The following VEGFC variants were observed in gnomAD, a reference collection of about 807,000 sequenced individuals.
VEGFC encodes the protein FLT4 ligand DHM.
Under a neutral mutation model 46.1 loss-of-function variants are expected in VEGFC, and 12 were observed. The ratio of observed to expected loss-of-function variants is 0.26; its 90% CI spans 0.17 to 0.42. VEGFC has a LOEUF of 0.42. VEGFC is among the 10% of genes least tolerant of loss of function. The pLI, the probability that VEGFC is intolerant of heterozygous loss-of-function variation, is 1.00. For synonymous variants in VEGFC, 232 were observed against 195.5 expected (o/e 1.19, Z -1.56); for missense variants, 488 against 529.4 (o/e 0.92, Z 0.77).
chr4:176,719,088 T>C (rs1260577079), intron 3 of VEGFC, among the ~76,000 whole-genome samples: 1 of 152,186 alleles, frequency 6.6e-6, no homozygotes, highest in Non-Finnish European at 1.5e-5. Flanking sequence ...ACAGTGCATA[T>C]GCTTTTACTT....
At chr4:176,699,219 T>C (rs1208517557) in intron 4 of VEGFC, among the ~76,000 whole-genome samples, 2 of 152,184 alleles carry the variant, frequency 1.3e-5, no homozygotes, top group Non-Finnish European at 2.9e-5. Flanking sequence ...CTATCTCTAG[T>C]CTTGTTCAAT....
intron 3 of VEGFC, among the ~76,000 whole-genome samples, chr4:176,720,973 C>T (rs1052406143): frequency 6.6e-6 from 1 of 151,282 alleles, no homozygotes; most frequent in Non-Finnish European, 1.5e-5. Context: ...CTGGAAGTCA[C>T]ATTTATGTTT....
intron 1 of VEGFC, among the ~76,000 whole-genome samples, chr4:176,781,910 A>G (rs1345227388): frequency 6.6e-6 from 1 of 152,146 alleles, no homozygotes; most frequent in East Asian, 1.9e-4. Flanking sequence ...GGCTTCCCAT[A>G]CCCTATTCAA....
At chr4:176,722,361 T>C (rs571144209) in intron 3 of VEGFC, among the ~76,000 whole-genome samples, 45 of 152,254 alleles carry the variant, frequency 3.0e-4, no homozygotes, top group African/African-American at 9.9e-4. Flanking sequence ...AGTAGACAAT[T>C]TTCTTATAGC....
chr4:176,695,882 C>G (rs1051342465), intron 4 of VEGFC, among the ~76,000 whole-genome samples: 4 of 151,610 alleles, frequency 2.6e-5, no homozygotes, highest in South Asian at 4.2e-4. Flanking sequence ...AAGACAAAAA[C>G]CACATGATTA....
At chr4:176,722,488 G>GTTTTTTTTTTTTTTTTTT in intron 3 of VEGFC, among the ~76,000 whole-genome samples, 1 of 134,976 alleles carries the variant, frequency 7.4e-6, no homozygotes, top group Non-Finnish European at 1.5e-5. Flanking sequence ...TTTTTCTTTT[G>GTTTTTTTTTTTTTTTTTT]TTTTTTTTTT....
At chr4:176,753,412 G>A (rs567615772) in intron 1 of VEGFC, among the ~76,000 whole-genome samples, 1 of 152,158 alleles carries the variant, frequency 6.6e-6, no homozygotes, top group South Asian at 2.1e-4. Flanking sequence ...CTGCTCAGCA[G>A]GCAGCTCTTT....
intron 1 of VEGFC, among the ~76,000 whole-genome samples, chr4:176,770,979 T>TACACACACACACACACACACACAC (rs148140472): frequency 6.7e-6 from 1 of 148,412 alleles, no homozygotes; most frequent in Admixed American, 6.7e-5. Context: ...AAGTAACTGA[T>TACACACACACACACACACACACAC]ACACACACAC....
chr4:176,715,165 TAATAAC>T (rs1027442024), intron 3 of VEGFC, among the ~76,000 whole-genome samples: 11 of 152,308 alleles, frequency 7.2e-5, no homozygotes, highest in African/African-American at 2.6e-4. Context: ...ATCAAAATCT[TAATAAC>T]TAATGTCTCA....
Position 176,687,198 on chromosome 4 carries a change from G to A in VEGFC, c.1134C>T (p.His378=). Reference sequence around the variant, plus strand: ...TGAGGATCTCTTACCTGCATGTTTGGTGGTGGAACTTCTTTCCTTTTAACA... The same window carrying A: ...TGAGGATCTCTTACCTGCATGTTTGATGGTGGAACTTCTTTCCTTTTAACA... ...KCLLKGKKFH[H]QTCSCYRRPC... The change falls in exon 6 of 7, where the codon CAC becomes CAT. Residue 378 remains histidine, a synonymous_variant. Coordinates refer to ENST00000618562, the MANE Select transcript of VEGFC (RefSeq NM_005429.5). The A allele has an allele frequency of 6.2e-7, 1 of 1,611,546 alleles. No homozygotes were observed. The highest frequency in any genetic ancestry group is 8.5e-7 in the Non-Finnish European group (1 of 1,179,022).
chr4:176,764,608 T>C (rs1735584752), intron 1 of VEGFC, among the ~76,000 whole-genome samples: 1 of 152,106 alleles, frequency 6.6e-6, no homozygotes, highest in African/African-American at 2.4e-5. Context: ...ATCTCATAAA[T>C]TCATAGGCTC....
intron 6 of VEGFC, among the ~76,000 whole-genome samples, chr4:176,685,684 T>A (rs1489001648): frequency 6.6e-6 from 1 of 151,996 alleles, no homozygotes; most frequent in African/African-American, 2.4e-5. Context: ...TTAGTATCTA[T>A]ATCCTTCTGA....
intron 3 of VEGFC, among the ~76,000 whole-genome samples, chr4:176,715,595 T>C (rs1214285515): frequency 2.0e-5 from 3 of 152,264 alleles, no homozygotes; most frequent in African/African-American, 2.4e-5. Flanking sequence ...CTTACTCTTA[T>C]CAGTTAGACA....
Position 176,692,851 on chromosome 4 carries a change from C to CG in VEGFC, c.705-4925_705-4924insC, listed in dbSNP as rs1734230012. On this transcript the variant is annotated intron_variant, in intron 4 of 6. Transcript: ENST00000618562. ...CCCGAGCAGCCTAACTGGGAGGCAC[C>CG]CCCCAGCAGGGGCACACTGACACCT... Among the ~76,000 whole-genome samples, 3 of 145,918 alleles carry CG rather than the reference C, an allele frequency of 2.1e-5. 1 individual carries two copies. The highest frequency in any genetic ancestry group is 8.0e-5 in the African/African-American group (3 of 37,528).
At chr4:176,691,629 G>A (rs1465260286) in intron 4 of VEGFC, among the ~76,000 whole-genome samples, 1 of 152,144 alleles carries the variant, frequency 6.6e-6, no homozygotes, top group Non-Finnish European at 1.5e-5. Flanking sequence ...ACAAAAATAT[G>A]AGTATATGTG....
chr4:176,721,119 A>C (rs1331515794), intron 3 of VEGFC, among the ~76,000 whole-genome samples: 14 of 152,150 alleles, frequency 9.2e-5, no homozygotes, highest in Non-Finnish European at 2.1e-4. Context: ...AGTGAAAAGA[A>C]TTTGGGTCTT....
At chr4:176,691,009 T>A (rs1338006070) in intron 4 of VEGFC, among the ~76,000 whole-genome samples, 3 of 152,158 alleles carry the variant, frequency 2.0e-5, no homozygotes, top group African/African-American at 7.2e-5. Context: ...GAATGATATG[T>A]AATAAAATAC....
intron 1 of VEGFC, among the ~76,000 whole-genome samples, chr4:176,746,512 T>C (rs1192765378): frequency 1.3e-5 from 2 of 152,050 alleles, no homozygotes; most frequent in East Asian, 1.9e-4. Flanking sequence ...CTTAATTTAG[T>C]AGTTTGTGAG....
intron 1 of VEGFC, among the ~76,000 whole-genome samples, chr4:176,742,281 G>A (rs965846427): frequency 1.3e-5 from 2 of 151,986 alleles, no homozygotes; most frequent in Non-Finnish European, 2.9e-5. Flanking sequence ...TTTTACGGAC[G>A]CATAGTATTC....
Sources: gnomAD v4.1 joint callset for allele counts (sites outside exome capture counted in the v4.1 genomes callset) on GRCh38, gnomAD v4.1.1 for gene constraint, MANE v1.5 for transcripts, NCBI Gene and HGNC (gene_info 2026-07-23, HGNC 2026-07-21) for gene names.